The following NDST3 variants were observed in gnomAD, a reference collection of about 807,000 sequenced individuals.
The protein encoded by NDST3 is bifunctional heparan sulfate N-deacetylase/N-sulfotransferase 3.
A neutral mutation model predicts 96.1 loss-of-function variants in NDST3; 58 were observed. That is an observed-to-expected ratio of 0.60 (90% CI 0.49 to 0.75). NDST3 has a LOEUF of 0.75. Among genes scored for constraint, NDST3 ranks in the 30% least tolerant of loss-of-function variants. The pLI is 0.00. For missense variants in NDST3, 788 were observed against 1,034.2 expected (o/e 0.76, Z 3.27); for synonymous variants, 333 against 359.7 (o/e 0.93, Z 0.84).
chr4:118,224,422 C>A, intron 6 of NDST3, 69 bp from the exon 7 acceptor site: 1 of 1,384,592 alleles, frequency 7.2e-7, no homozygotes, highest in Admixed American at 2.2e-5. Flanking sequence ...ACTAGCATGG[C>A]TGTGATTATA....
chr4:118,233,993 T>C (rs1740478072), intron 9 of NDST3, among the ~76,000 whole-genome samples: 1 of 152,244 alleles, frequency 6.6e-6, no homozygotes, highest in Admixed American at 6.5e-5. Context: ...GGATTGAGTA[T>C]AATTTGAGCA....
intron 6 of NDST3, among the ~76,000 whole-genome samples, chr4:118,189,777 T>C (rs1229333483): frequency 1.3e-5 from 2 of 152,228 alleles, no homozygotes; most frequent in African/African-American, 4.8e-5. Flanking sequence ...TGTCATTTAT[T>C]AATACTCCAT....
chr4:118,128,700 T>C (rs1410801266), intron 4 of NDST3, among the ~76,000 whole-genome samples: 3 of 152,080 alleles, frequency 2.0e-5, no homozygotes, highest in Non-Finnish European at 4.4e-5. Context: ...ACTGGCCTCA[T>C]AGAATGAGCT....
chr4:118,199,062 T>C (rs557915676), intron 6 of NDST3, among the ~76,000 whole-genome samples: 1 of 152,300 alleles, frequency 6.6e-6, no homozygotes, highest in Non-Finnish European at 1.5e-5. Flanking sequence ...TGGTGTTCTG[T>C]AACCTTCTTG....
intron 2 of NDST3, among the ~76,000 whole-genome samples, chr4:118,094,446 T>C (rs1729130284): frequency 6.6e-6 from 1 of 151,872 alleles, no homozygotes; most frequent in African/African-American, 2.4e-5. Flanking sequence ...TGAGCCCTTC[T>C]TTTTCCTCAC....
intron 1 of NDST3, among the ~76,000 whole-genome samples, chr4:118,048,843 C>T (rs1245176366): frequency 2.0e-5 from 3 of 151,924 alleles, no homozygotes; most frequent in Non-Finnish European, 1.5e-5. Context: ...TAATAAACTC[C>T]GGACTTAAAC....
At chr4:118,033,554 TC>T (rs1313724397), upstream of NDST3, 5 of 151,180 alleles carry the variant, frequency 3.3e-5, no homozygotes, top group Non-Finnish European at 7.4e-5. Flanking sequence ...TCCCTCCCCT[TC>T]CCCGGGGCGG....
chr4:118,033,973 A>G (rs1724012868), upstream of NDST3: 1 of 152,164 alleles, frequency 6.6e-6, no homozygotes, highest in Non-Finnish European at 1.5e-5. Context: ...GGCGCCTTGG[A>G]ATGCGGACTC....
chr4:118,079,161 T>C (rs1051908089), intron 2 of NDST3, among the ~76,000 whole-genome samples: 4 of 152,180 alleles, frequency 2.6e-5, no homozygotes, highest in African/African-American at 9.7e-5. Flanking sequence ...GGTGTAGTGG[T>C]AGCCAAAATG....
At chr4:118,142,932 A>T (rs1296536132) in intron 5 of NDST3, among the ~76,000 whole-genome samples, 1 of 152,202 alleles carries the variant, frequency 6.6e-6, no homozygotes, top group Non-Finnish European at 1.5e-5. Context: ...TTCTAAAAGT[A>T]ACAAACCAAG....
rs541870805 is a variant in NDST3, at chr4:118,129,702, A to G, written c.1225-8352A>G. Among the ~76,000 whole-genome samples the G allele has an allele frequency of 3.3e-5, 5 of 152,134 alleles. No individual in the cohort carries two copies. The East Asian group carries it at 7.7e-4, about 24-fold the overall frequency. On this transcript the variant is annotated intron_variant, in intron 4 of 13. Coordinates refer to ENST00000296499, the MANE Select transcript of NDST3 (RefSeq NM_004784.3). ...TGTTCCATAAATATATATTAGATTCATTTGTTGTATAGTGCTGATTAAGTC... is the reference window on the plus strand; with the variant it reads ...TGTTCCATAAATATATATTAGATTCGTTTGTTGTATAGTGCTGATTAAGTC...
At chr4:118,186,986 T>A (rs1737004784) in intron 6 of NDST3, among the ~76,000 whole-genome samples, 1 of 152,212 alleles carries the variant, frequency 6.6e-6, no homozygotes, top group Admixed American at 6.5e-5. Flanking sequence ...AGACTACTAT[T>A]ATGACCATGA....
intron 2 of NDST3, among the ~76,000 whole-genome samples, chr4:118,104,550 T>A (rs1050681046): frequency 2.6e-5 from 4 of 152,154 alleles, no homozygotes; most frequent in African/African-American, 9.7e-5. Context: ...TGAACAACAA[T>A]CATTATCTTT....
At chr4:118,240,425 C>G in intron 10 of NDST3, 99 bp from the exon 11 acceptor site, 1 of 968,262 alleles carries the variant, frequency 1.0e-6, no homozygotes, top group Non-Finnish European at 1.4e-6. Context: ...AGCAGTGAGG[C>G]ACTTCTTTCT....
At chr4:118,200,186 C>T (rs1160419336) in intron 6 of NDST3, among the ~76,000 whole-genome samples, 1 of 152,158 alleles carries the variant, frequency 6.6e-6, no homozygotes, top group Non-Finnish European at 1.5e-5. Flanking sequence ...CATTCAGGAG[C>T]CAGAAACTAG....
At chr4:118,056,830 T>A (rs1043941565) in intron 2 of NDST3, among the ~76,000 whole-genome samples, 1 of 151,908 alleles carries the variant, frequency 6.6e-6, no homozygotes, top group Non-Finnish European at 1.5e-5. Context: ...GTGGGGGTGA[T>A]AAATAGGTAA....
chr4:118,046,622 T>C (rs1724776802), intron 1 of NDST3, among the ~76,000 whole-genome samples: 1 of 152,266 alleles, frequency 6.6e-6, no homozygotes, highest in Non-Finnish European at 1.5e-5. Flanking sequence ...CCTCGTGGCT[T>C]GGGAGCACTT....
chr4:118,236,411 T>C (rs903396396), intron 9 of NDST3, among the ~76,000 whole-genome samples: 3 of 152,342 alleles, frequency 2.0e-5, no homozygotes, highest in South Asian at 4.1e-4. Context: ...CTTGGGAAAT[T>C]TGTTAGAGTT....
chr4:118,225,563 C>T (rs1739819144), intron 7 of NDST3, among the ~76,000 whole-genome samples: 1 of 152,130 alleles, frequency 6.6e-6, no homozygotes, highest in Admixed American at 6.6e-5. Flanking sequence ...AGTTGTAGGC[C>T]ATCTGGTTCC....
Sources: gnomAD v4.1 joint callset for allele counts (sites outside exome capture counted in the v4.1 genomes callset) on GRCh38, gnomAD v4.1.1 for gene constraint, MANE v1.5 for transcripts, NCBI Gene and HGNC (gene_info 2026-07-23, HGNC 2026-07-21) for gene names.